ZBTB45: variants seen among roughly 807,000 people sequenced by gnomAD.
The protein encoded by ZBTB45 is zinc finger and BTB domain containing 45, also known as zinc finger and BTB domain-containing protein 45.
A neutral mutation model predicts 28.4 loss-of-function variants in ZBTB45; 22 were observed. That is an observed-to-expected ratio of 0.77 (90% confidence interval 0.55 to 1.10). The LOEUF (loss-of-function observed/expected upper bound fraction) is 1.10, where lower values mean the gene tolerates loss of function less well. Ranked by LOEUF, ZBTB45 falls within the 50% of genes least tolerant of loss-of-function variation. ZBTB45 has a pLI of 0.00. For synonymous variants in ZBTB45, 361 were observed against 332.3 expected (o/e 1.09, Z -0.94); for missense variants, 656 against 750.2 (o/e 0.87, Z 1.47).
intron 1 of ZBTB45, among the ~76,000 whole-genome samples, chr19:58,538,051 T>A (rs918392013): frequency 1.3e-5 from 2 of 152,018 alleles, no homozygotes; most frequent in African/African-American, 4.8e-5. Context: ...TTGGTCAGGC[T>A]GGTGGCGAAC....
rs117678310 is a variant in ZBTB45 at position 58,515,337 on chromosome 19, A to C, written c.1280-1027T>G. Reference sequence around the variant, plus strand: ...TCTCAAAAAAAATTAAAAAAAAAAAAACCCTATCTCAGTGGCAGTGGACTG... The same window carrying C: ...TCTCAAAAAAAATTAAAAAAAAAAACACCCTATCTCAGTGGCAGTGGACTG... On this transcript the variant is annotated intron_variant, in intron 2 of 2. Transcript: ENST00000594051. The surrounding 1 kb of genome is among the most constrained non-coding windows in gnomAD (Gnocchi z 4.7). Among the ~76,000 whole-genome samples the C allele has an allele frequency of 1.7e-4, 26 of 151,140 alleles. No individual in the cohort carries two copies. The East Asian group carries it at 4.3e-3, about 25-fold the overall frequency.
chr19:58,521,051 CAAAAAAAAAAAAAAAAAA>C (rs71190053), upstream of ZBTB45, among the ~76,000 whole-genome samples: 2 of 27,824 alleles, frequency 7.2e-5, no homozygotes, highest in East Asian at 1.1e-3. Flanking sequence ...GACTCCGTCT[CAAAAAAAAAAAAAAAAAA>C]AAAAAAAAAA....
chr19:58,523,872 C>T (rs143958401), upstream of ZBTB45, among the ~76,000 whole-genome samples: 1,704 of 13,162 alleles, frequency 0.13, 45 homozygotes, highest in Middle Eastern at 0.38. Context: ...GGGGTTTCAC[C>T]GTGTTAGCCA....
At position 58,516,392 on chromosome 19, in the gene ZBTB45, C is replaced by A. The variant is rs755430897; in HGVS notation, c.1279+3G>T. ...CTCCCTCTCCTCCCCCGCCCTGGCT[C>A]ACCCGAGTGGATGAACATGTGCTTG... On this transcript the variant is annotated splice_donor_region_variant and intron_variant, in intron 2 of 2. Coordinates refer to ENST00000594051, the MANE Select transcript of ZBTB45 (RefSeq NM_001316979.2). This position sits in a 1 kb window ranked among gnomAD's most constrained non-coding sequence, Gnocchi z 6.2. The A allele has an allele frequency of 3.1e-6, 5 of 1,613,860 alleles. No individual in the cohort carries two copies. Among genetic ancestry groups the A allele is most frequent in the Non-Finnish European group, 4.2e-6 (5 of 1,179,868 alleles).
chr19:58,532,289 A>T (rs1248035368), intron 1 of ZBTB45, among the ~76,000 whole-genome samples: 3 of 152,182 alleles, frequency 2.0e-5, no homozygotes, highest in Admixed American at 2.0e-4. Context: ...GGGTATTTGT[A>T]ATTGTGATTT....
chr19:58,531,219 C>T (rs1275493481), intron 1 of ZBTB45, among the ~76,000 whole-genome samples: 1 of 152,212 alleles, frequency 6.6e-6, no homozygotes, highest in Non-Finnish European at 1.5e-5. Context: ...GTTTGATTTG[C>T]ATTTCCCTGA....
In ZBTB45 at chr19:58,517,488, C is replaced by A; in HGVS notation, c.186G>T (p.Leu62=). 6.2e-7 allele frequency: 1 copy of A among 1,613,326 alleles called. No individual in the cohort carries two copies. Among genetic ancestry groups the A allele is most frequent in the African/African-American group, 1.3e-5 (1 of 75,020 alleles). Residue 62 remains leucine, a synonymous_variant, in exon 2 of 3, where the codon CTG becomes CTT. Transcript: ENST00000594051. The part of the protein sequence containing the change: ...AAGSPFFQDK[L]LLGHSEIRVP... The stretch of plus-strand genomic sequence containing the variant: ...CACGGATCTCAGAGTGGCCGAGCAG[C>A]AGCTTGTCTTGGAAGAAGGGTGAGC...
upstream of ZBTB45, among the ~76,000 whole-genome samples, chr19:58,522,352 G>T (rs1423326609): frequency 1.3e-5 from 2 of 150,838 alleles, no homozygotes; most frequent in South Asian, 2.1e-4. Context: ...AGTAGAGACG[G>T]TGTTTCACCA....
intron 1 of ZBTB45, among the ~76,000 whole-genome samples, chr19:58,530,581 C>T (rs1180699677): frequency 6.6e-6 from 1 of 152,188 alleles, no homozygotes; most frequent in African/African-American, 2.4e-5. Flanking sequence ...GTGGGGACTA[C>T]AGGCGTGAGC....
Position 58,517,578 on chromosome 19 carries a change from G to A in ZBTB45, c.96C>T (p.Phe32=), listed in dbSNP as rs2053528207. ...TLNGQRLGGH[F]CDVTVRIREA... Reference sequence around the variant, plus strand: ...CACGAATGCGCACAGTCACGTCACAGAAGTGTCCCCCAAGCCTCTGCCCAT... The same window carrying A: ...CACGAATGCGCACAGTCACGTCACAAAAGTGTCCCCCAAGCCTCTGCCCAT... Residue 32 remains phenylalanine (F), a synonymous_variant, in exon 2 of 3, where the codon TTC becomes TTT. Transcript: ENST00000594051. 6.2e-7 allele frequency: 1 copy of A among 1,613,886 alleles called. No individual in the cohort carries two copies. Among genetic ancestry groups the A allele is most frequent in the Non-Finnish European group, 8.5e-7 (1 of 1,180,002 alleles).
At chr19:58,528,311 G>A (rs1209354794) in intron 1 of ZBTB45, among the ~76,000 whole-genome samples, 4 of 152,000 alleles carry the variant, frequency 2.6e-5, no homozygotes, top group African/African-American at 7.3e-5. Flanking sequence ...ATAGCATGTT[G>A]CTCCACACCG....
Position 58,517,044 on chromosome 19 carries a change from A to G in ZBTB45, c.630T>C (p.Asp210=), listed in dbSNP as rs1296963915. Residue 210 remains aspartate, a synonymous_variant, in exon 2 of 3, where the codon GAT becomes GAC. Coordinates refer to ENST00000594051, the MANE Select transcript of ZBTB45 (RefSeq NM_001316979.2). ...SAAPDDRGDE[D]DEESDDETDG... is the part of the protein sequence containing the mutation. ...CGGTCTCATCGTCACTTTCCTCGTC[A>G]TCCTCGTCACCTCGGTCATCAGGGG... 5.0e-6 allele frequency: 8 copies of G among 1,613,080 alleles called. No individual in the cohort carries two copies. Among genetic ancestry groups the G allele is most frequent in the Non-Finnish European group, 6.8e-6 (8 of 1,180,008 alleles).
chr19:58,521,383 AAG>A (rs1431221151), upstream of ZBTB45, among the ~76,000 whole-genome samples: 23,118 of 120,372 alleles, frequency 0.19, 2,999 homozygotes, highest in Non-Finnish European at 0.26. Flanking sequence ...AAAAAAAAAA[AAG>A]AAAGAAAGAA....
upstream of ZBTB45, among the ~76,000 whole-genome samples, chr19:58,524,322 G>A (rs1344170608): frequency 5.9e-5 from 9 of 151,746 alleles, no homozygotes; most frequent in East Asian, 2.0e-4. Context: ...CCGAGATCGC[G>A]CCACTGCACT....
chr19:58,527,135 G>T (rs902627803), intron 1 of ZBTB45, among the ~76,000 whole-genome samples: 2 of 152,178 alleles, frequency 1.3e-5, no homozygotes, highest in Non-Finnish European at 2.9e-5. Flanking sequence ...CTGAAGCCAG[G>T]TTAAAATCAT....
upstream of ZBTB45, among the ~76,000 whole-genome samples, chr19:58,524,435 A>ATGTATGTG (rs141879636): frequency 3.6e-5 from 5 of 138,258 alleles, no homozygotes; most frequent in African/African-American, 5.5e-5. Flanking sequence ...GTGTTCATAT[A>ATGTATGTG]TGTGTGTGTG....
At chr19:58,520,845 G>A (rs1291812078), upstream of ZBTB45, among the ~76,000 whole-genome samples, 1 of 151,758 alleles carries the variant, frequency 6.6e-6, no homozygotes, top group Non-Finnish European at 1.5e-5. Flanking sequence ...CACGTCAGGA[G>A]ATCGAGACCA....
chr19:58,524,558 G>A (rs2053597380), upstream of ZBTB45, among the ~76,000 whole-genome samples: 1 of 151,158 alleles, frequency 6.6e-6, no homozygotes, highest in Non-Finnish European at 1.5e-5. Context: ...GACAAGCTAG[G>A]GAGGAGGGCG....
At chr19:58,537,812 G>C (rs1026745762) in intron 1 of ZBTB45, among the ~76,000 whole-genome samples, 1 of 151,946 alleles carries the variant, frequency 6.6e-6, no homozygotes, top group Non-Finnish European at 1.5e-5. Flanking sequence ...TGCAGGATAG[G>C]GCTGTGGAAA....
Sources: allele counts gnomAD v4.1 joint callset (sites outside exome capture counted in the v4.1 genomes callset), GRCh38; gene constraint gnomAD v4.1.1; non-coding constraint Gnocchi (gnomAD v3.1); transcripts MANE v1.5; gene names NCBI Gene and HGNC (gene_info 2026-07-23, HGNC 2026-07-21).